Variants in TENM3 observed in about 807,000 individuals in gnomAD.
TENM3 encodes the protein teneurin-3.
Under a neutral mutation model 255.1 loss-of-function variants are expected in TENM3, and 63 were observed. The observed-to-expected ratio is 0.25, with a 90% CI of 0.20 to 0.30. TENM3 has a LOEUF of 0.30. Among genes scored for constraint, TENM3 ranks in the 10% least tolerant of loss-of-function variants. The pLI is 1.00. For synonymous variants in TENM3, 1,306 were observed against 1,322.3 expected (o/e 0.99, Z 0.27); for missense variants, 2,929 against 3,461.1 (o/e 0.85, Z 3.86).
the TENM3 span, among the ~76,000 whole-genome samples, chr4:181,618,497 G>A: frequency 2.0e-5 from 3 of 152,230 alleles, no homozygotes; most frequent in Non-Finnish European, 1.5e-5. Context: ...AATGTCTGCA[G>A]TGTGGGAGTC....
chr4:182,248,172 C>T (rs529516140), intron 1 of TENM3, among the ~76,000 whole-genome samples: 1 of 152,114 alleles, frequency 6.6e-6, no homozygotes, highest in South Asian at 2.1e-4. Context: ...ATATAAAGTG[C>T]CTGGGTGCAG....
intron 24 of TENM3, among the ~76,000 whole-genome samples, chr4:182,786,820 C>T (rs1410391027): frequency 6.6e-6 from 1 of 152,150 alleles, no homozygotes. Flanking sequence ...TCTGTAGTTC[C>T]TCCAAAGCCC....
the TENM3 span, among the ~76,000 whole-genome samples, chr4:182,050,790 C>CAAG: frequency 7.5e-6 from 1 of 134,014 alleles, no homozygotes; most frequent in African/African-American, 2.5e-5. Context: ...GGTGACAGAG[C>CAAG]AAGACTCCAC....
intron 3 of TENM3, among the ~76,000 whole-genome samples, chr4:182,565,279 G>A (rs567620817): frequency 4.1e-4 from 62 of 152,262 alleles, no homozygotes; most frequent in African/African-American, 1.4e-3. Flanking sequence ...CCGAAGAACT[G>A]AGAAGGTAAT....
chr4:182,673,318 C>T lies in TENM3; in HGVS notation c.1326+99C>T, dbSNP rs142241824. ...CTCAGCTGTTTGGTTAACTGTTTGA[C>T]GACTTTTGAATCGACTTTCTACAGT... On this transcript the variant is annotated intron_variant, in intron 7 of 27. Transcript: ENST00000511685. 450 of 809,914 alleles carry T rather than the reference C, an allele frequency of 5.6e-4. 2 individuals are homozygous for T. The highest frequency in any genetic ancestry group is 2.7e-3 in the Admixed American group (93 of 34,672). The allele number at this position is 809,914 out of a possible 1,614,324, so 50.2% of individuals were successfully genotyped here. A position where few individuals can be genotyped will look rare whatever the true frequency, so the allele number is the denominator to read the frequency against.
At chr4:182,198,001 A>G (rs1753936937) in intron 1 of TENM3, among the ~76,000 whole-genome samples, 1 of 152,194 alleles carries the variant, frequency 6.6e-6, no homozygotes, top group Admixed American at 6.5e-5. Flanking sequence ...GCTACTCAGG[A>G]GGCTGACACA....
At chr4:182,552,035 A>C (rs937192821) in intron 3 of TENM3, among the ~76,000 whole-genome samples, 6 of 152,110 alleles carry the variant, frequency 3.9e-5, no homozygotes, top group African/African-American at 1.4e-4. Flanking sequence ...CAAAAAAAAA[A>C]AAAAAAAGTT....
chr4:182,581,716 G>A (rs192006170), intron 3 of TENM3, among the ~76,000 whole-genome samples: 185 of 152,008 alleles, frequency 1.2e-3, no homozygotes, highest in Admixed American at 2.6e-3. Flanking sequence ...CAGCCTGGGC[G>A]ACAGAGCGAG....
the TENM3 span, among the ~76,000 whole-genome samples, chr4:181,587,274 C>T: frequency 2.0e-5 from 3 of 152,138 alleles, no homozygotes; most frequent in Non-Finnish European, 2.9e-5. Flanking sequence ...GCATGATGCT[C>T]AGGGCTGGGC....
chr4:181,461,074 C>T, the TENM3 span, among the ~76,000 whole-genome samples: 2 of 151,790 alleles, frequency 1.3e-5, no homozygotes, highest in South Asian at 2.1e-4. Context: ...TCAGATTTTG[C>T]TTATCTGAAG....
At chr4:181,606,196 A>G in the TENM3 span, among the ~76,000 whole-genome samples, 51,548 of 152,012 alleles carry the variant, frequency 0.34, 10,175 homozygotes, top group Non-Finnish European at 0.43. Context: ...CTAAGCAGAC[A>G]TCGTGTTTCC....
intron 3 of TENM3, among the ~76,000 whole-genome samples, chr4:182,368,886 T>C (rs1463389124): frequency 6.6e-6 from 1 of 152,120 alleles, no homozygotes; most frequent in Non-Finnish European, 1.5e-5. Flanking sequence ...GTTGACCCTT[T>C]CCATGAGATG....
chr4:181,569,436 G>A, the TENM3 span, among the ~76,000 whole-genome samples: 1 of 152,116 alleles, frequency 6.6e-6, no homozygotes, highest in African/African-American at 2.4e-5. Context: ...TTCCATAAGT[G>A]GATAGAATAG....
chr4:182,027,943 G>T, the TENM3 span, among the ~76,000 whole-genome samples: 2 of 151,882 alleles, frequency 1.3e-5, no homozygotes, highest in Admixed American at 6.6e-5. Context: ...TGTTTGATGT[G>T]GTTTTGTCTT....
intron 3 of TENM3, among the ~76,000 whole-genome samples, chr4:182,468,263 G>A (rs942725306): frequency 3.3e-5 from 5 of 152,038 alleles, no homozygotes; most frequent in African/African-American, 1.2e-4. Context: ...CATAACAAAA[G>A]TTACTTTGTT....
At chr4:182,362,200 G>C (rs1201041182) in intron 3 of TENM3, among the ~76,000 whole-genome samples, 5 of 151,578 alleles carry the variant, frequency 3.3e-5, no homozygotes, top group Non-Finnish European at 5.9e-5. Flanking sequence ...CAGTCTGCCC[G>C]TTCTCAGATC....
chr4:182,712,798 A>G (rs569576461), intron 12 of TENM3, among the ~76,000 whole-genome samples: 3 of 152,372 alleles, frequency 2.0e-5, no homozygotes, highest in Non-Finnish European at 2.9e-5. Context: ...TTCAAATGAT[A>G]AGAAGCTGTA....
At chr4:182,066,737 C>T in the TENM3 span, among the ~76,000 whole-genome samples, 17 of 151,786 alleles carry the variant, frequency 1.1e-4, no homozygotes, top group Admixed American at 2.0e-4. Context: ...CATGAAACCC[C>T]GTCTCCACTA....
At chr4:182,148,735 GA>G (rs1171866754) in intron 1 of TENM3, among the ~76,000 whole-genome samples, 1 of 152,052 alleles carries the variant, frequency 6.6e-6, no homozygotes, top group Non-Finnish European at 1.5e-5. Flanking sequence ...ATGGAAATGT[GA>G]AGAGATGGTG....
Sources: allele counts gnomAD v4.1 joint callset (sites outside exome capture counted in the v4.1 genomes callset), GRCh38; gene constraint gnomAD v4.1.1; transcripts MANE v1.5; gene names NCBI Gene and HGNC (gene_info 2026-07-23, HGNC 2026-07-21).